SASH1: variants seen among roughly 807,000 people sequenced by gnomAD.
SASH1 encodes SAM and SH3 domain containing 1, also known as SAM and SH3 domain-containing protein 1.
A neutral mutation model predicts 125.2 loss-of-function variants in SASH1; 44 were observed. The observed-to-expected ratio is 0.35, with a 90% CI of 0.28 to 0.45. The LOEUF (loss-of-function observed/expected upper bound fraction) is 0.45. Among genes scored for constraint, SASH1 ranks in the 20% least tolerant of loss-of-function variants. The pLI is 1.00. For missense variants in SASH1, 1,426 were observed against 1,614.5 expected (o/e 0.88, Z 2.00); for synonymous variants, 639 against 649.1 (o/e 0.98, Z 0.24).
chr6:148,309,482 AC>A (rs1273458211), intron 1 of SASH1, among the ~76,000 whole-genome samples: 2 of 151,850 alleles, frequency 1.3e-5, no homozygotes, highest in African/African-American at 2.4e-5. Flanking sequence ...ACCCATATCC[AC>A]CCACTAGTTC....
At chr6:148,333,647 T>G (rs1781060595) in intron 1 of SASH1, among the ~76,000 whole-genome samples, 1 of 152,082 alleles carries the variant, frequency 6.6e-6, no homozygotes, top group Admixed American at 6.6e-5. Context: ...CCACAACCTC[T>G]GCCTGCCGGG....
In SASH1 at chr6:148,532,532, GTCC is replaced by G. The variant is rs1479816248; in HGVS notation, c.1565-261_1565-259del. ...AGAGTCTGGTGCCTGGCCCTGCAGT[GTCC>G]TCCACGCGGGATCCTCCGTGCCACA... On this transcript the variant is annotated intron_variant, in intron 13 of 19. Coordinates refer to ENST00000367467, the MANE Select transcript of SASH1 (RefSeq NM_015278.5). This position sits in a 1 kb window ranked among gnomAD's most constrained non-coding sequence, Gnocchi z 4.7. 6.6e-6 allele frequency among the ~76,000 whole-genome samples: 1 copy of G among 152,140 alleles called. No homozygotes were observed.
intron 1 of SASH1, among the ~76,000 whole-genome samples, chr6:148,317,257 C>A (rs1386349971): frequency 1.3e-5 from 2 of 152,082 alleles, no homozygotes; most frequent in African/African-American, 2.4e-5. Context: ...CATGCGTAAG[C>A]CAGTGATAAA....
chr6:148,449,848 A>G (rs1177194761), intron 4 of SASH1, among the ~76,000 whole-genome samples: 1 of 152,168 alleles, frequency 6.6e-6, no homozygotes, highest in African/African-American at 2.4e-5. Flanking sequence ...AAGAGCCAGG[A>G]CCAAACAAGA....
At chr6:148,521,466 C>T (rs1274063859) in intron 10 of SASH1, among the ~76,000 whole-genome samples, 2 of 152,228 alleles carry the variant, frequency 1.3e-5, no homozygotes, top group Non-Finnish European at 2.9e-5. Context: ...CTTAAAACGA[C>T]CTTCTCTGTT....
chr6:148,257,284 G>C, the SASH1 span, among the ~76,000 whole-genome samples: 1 of 152,168 alleles, frequency 6.6e-6, no homozygotes, highest in East Asian at 1.9e-4. Flanking sequence ...TCTGGCACAT[G>C]GTTAGGGCTT....
chr6:148,314,902 G>A (rs886745355), intron 1 of SASH1, among the ~76,000 whole-genome samples: 3 of 151,682 alleles, frequency 2.0e-5, no homozygotes, highest in African/African-American at 4.9e-5. Context: ...GATTACAGGC[G>A]CCTGCTATCA....
the SASH1 span, among the ~76,000 whole-genome samples, chr6:148,263,755 T>C: frequency 6.6e-6 from 1 of 152,192 alleles, no homozygotes; most frequent in African/African-American, 2.4e-5. Context: ...TTTAGAGCTG[T>C]AAAATGTGTC....
chr6:148,429,272 G>C (rs1465085632), intron 2 of SASH1, among the ~76,000 whole-genome samples: 1 of 151,342 alleles, frequency 6.6e-6, no homozygotes, highest in African/African-American at 2.4e-5. Context: ...TGTAGTCCCA[G>C]CTATCCAGGA....
At chr6:148,511,307 C>G (rs1780109566) in intron 8 of SASH1, among the ~76,000 whole-genome samples, 1 of 141,864 alleles carries the variant, frequency 7.0e-6, no homozygotes. Context: ...AGGCTGACTT[C>G]TAGGTTAATT....
the SASH1 span, among the ~76,000 whole-genome samples, chr6:148,198,371 A>G: frequency 6.6e-6 from 1 of 152,158 alleles, no homozygotes; most frequent in Non-Finnish European, 1.5e-5. Context: ...ATCCTGACTT[A>G]GTTTTATTTC....
chr6:148,544,955 A>G lies in SASH1; in HGVS notation c.3348+137A>G, dbSNP rs208695. ...AGGAGACACCTGAATCCACGTGTCC[A>G]CACCTTACTTGACATGCATGTGTTC... On this transcript the variant is annotated intron_variant, in intron 18 of 19. Coordinates refer to ENST00000367467, the MANE Select transcript of SASH1 (RefSeq NM_015278.5). This position sits in a 1 kb window ranked among gnomAD's most constrained non-coding sequence, Gnocchi z 6.4. 0.99 allele frequency: 706,817 copies of G among 715,000 alleles called. 349,386 individuals are homozygous for G. Among genetic ancestry groups the G allele is most frequent in the East Asian group, 1 (36,709 of 36,712 alleles). The allele number at this position is 715,000 out of a possible 1,614,324, so 44.3% of individuals were successfully genotyped here. A position where few individuals can be genotyped will look rare whatever the true frequency, so the allele number is the denominator to read the frequency against.
chr6:148,446,596 G>A (rs1583173129), intron 4 of SASH1, among the ~76,000 whole-genome samples: 1 of 152,140 alleles, frequency 6.6e-6, no homozygotes, highest in South Asian at 2.1e-4. Context: ...ACTGTAGGGA[G>A]GGCCACCTGG....
chr6:148,542,118 A>G (rs1334540644), intron 17 of SASH1, among the ~76,000 whole-genome samples: 1 of 152,204 alleles, frequency 6.6e-6, no homozygotes, highest in African/African-American at 2.4e-5. Flanking sequence ...TTTCATGCCC[A>G]AATGAATTCA....
chr6:148,267,705 A>G (rs996141328), upstream of SASH1, among the ~76,000 whole-genome samples: 6 of 152,210 alleles, frequency 3.9e-5, no homozygotes, highest in Admixed American at 2.6e-4. Flanking sequence ...AAGCTCCCCA[A>G]GTGATTCCAA....
chr6:148,517,799 C>T (rs1780529549), intron 9 of SASH1, among the ~76,000 whole-genome samples: 1 of 152,218 alleles, frequency 6.6e-6, no homozygotes, highest in Non-Finnish European at 1.5e-5. Context: ...ATCCTAAGCA[C>T]AGAGCCCAGA....
At chr6:148,438,066 G>A (rs747142486) in intron 2 of SASH1, among the ~76,000 whole-genome samples, 4 of 152,066 alleles carry the variant, frequency 2.6e-5, no homozygotes, top group Non-Finnish European at 5.9e-5. Flanking sequence ...GAGGAGGGGA[G>A]GTGAATTGAA....
At position 148,471,473 on chromosome 6, in the gene SASH1, C is replaced by G; in HGVS notation, c.484C>G (p.Gln162Glu). 6.4e-7 allele frequency: 1 copy of G among 1,574,640 alleles called. No individual in the cohort carries two copies. Among genetic ancestry groups the G allele is most frequent in the Non-Finnish European group, 8.6e-7 (1 of 1,160,828 alleles). The change falls in exon 6 of 20, where the codon CAG (glutamine) becomes GAG (glutamate). Residue 162 changes from glutamine to glutamate, a missense_variant. By Grantham distance (29) the Gln-to-Glu change is conservative. Coordinates refer to ENST00000367467, the MANE Select transcript of SASH1 (RefSeq NM_015278.5). ...TTTCTGGCAGAACTTCCGAAAGAACCAGAAAGGAATAATGAGACAGACTTC... is the reference window on the plus strand; with the variant it reads ...TTTCTGGCAGAACTTCCGAAAGAACGAGAAAGGAATAATGAGACAGACTTC... ...KYFWQNFRKNQKGIMRQTSKG... is the reference protein window; with the variant it reads ...KYFWQNFRKNEKGIMRQTSKG...
rs1251428364 is a variant in SASH1 at position 148,342,954 on chromosome 6, G to A, written c.-114G>A. ...GGCCGCCGGGGCATGCAGCGCGGGG[G>A]CGCGGCTCGGTGACGCCGCGGGCGG... is the stretch of plus-strand genomic sequence containing the variant. On this transcript the variant is annotated 5_prime_UTR_variant, in exon 1 of 20. Transcript: ENST00000367467. The A allele has an allele frequency of 3.3e-6, 3 of 918,752 alleles. No homozygotes were observed. Among genetic ancestry groups the A allele is most frequent in the South Asian group, 4.9e-5 (1 of 20,352 alleles). 56.9% of individuals were successfully genotyped at this position (918,752 alleles called of 1,614,324 possible).
Sources: gnomAD v4.1 joint callset for allele counts (sites outside exome capture counted in the v4.1 genomes callset) on GRCh38, gnomAD v4.1.1 for gene constraint, Gnocchi (gnomAD v3.1) non-coding constraint, MANE v1.5 for transcripts, NCBI Gene and HGNC (gene_info 2026-07-23, HGNC 2026-07-21) for gene names.